Variants in CTNNA2 observed in about 807,000 individuals in gnomAD.
CTNNA2 encodes catenin alpha 2, also known as catenin alpha-2.
CTNNA2 carries 42 observed loss-of-function variants against 101.0 expected under a neutral mutation model. The ratio of observed to expected loss-of-function variants is 0.42; its 90% CI spans 0.32 to 0.54. The LOEUF is 0.54. CTNNA2 is among the 20% of genes least tolerant of loss of function. The probability of loss-of-function intolerance (pLI) is 0.14; values close to 1 mark genes in which losing one functional copy is unlikely to be tolerated. For synonymous variants in CTNNA2, 450 were observed against 456.4 expected (o/e 0.99, Z 0.18); for missense variants, 871 against 1,223.1 (o/e 0.71, Z 4.29).
chr2:80,214,490 A>G (rs1241135639), intron 7 of CTNNA2, among the ~76,000 whole-genome samples: 1 of 152,178 alleles, frequency 6.6e-6, no homozygotes, highest in African/African-American at 2.4e-5. Context: ...TTGGCTGGAT[A>G]TGAAATTCTG....
At chr2:80,410,543 A>C (rs974824321) in intron 8 of CTNNA2, among the ~76,000 whole-genome samples, 2 of 152,204 alleles carry the variant, frequency 1.3e-5, no homozygotes, top group Non-Finnish European at 2.9e-5. Context: ...TGATTTTGTC[A>C]AGTCATTCCT....
chr2:79,326,091 CT>C (rs2104413848), intron 3 of CTNNA2, among the ~76,000 whole-genome samples: 1 of 152,230 alleles, frequency 6.6e-6, no homozygotes, highest in African/African-American at 2.4e-5. Flanking sequence ...TTTATTTGTT[CT>C]TTCATTAGTT....
At chr2:79,509,002 TATATATATATAA>T (rs201829973), upstream of CTNNA2, among the ~76,000 whole-genome samples, 265 of 76,906 alleles carry the variant, frequency 3.4e-3, 23 homozygotes, top group Middle Eastern at 7.2e-3. Context: ...TATATATATA[TATATATATATAA>T]ACAATTACCT....
chr2:79,560,196 C>G (rs1381998086), intron 1 of CTNNA2, among the ~76,000 whole-genome samples: 1 of 151,278 alleles, frequency 6.6e-6, no homozygotes, highest in Non-Finnish European at 1.5e-5. Context: ...AGTATCAAAA[C>G]TTGGGAAAAT....
intron 9 of CTNNA2, among the ~76,000 whole-genome samples, chr2:80,443,293 T>C (rs1682754182): frequency 6.6e-6 from 1 of 152,206 alleles, no homozygotes; most frequent in African/African-American, 2.4e-5. Context: ...CAAGGTGTGA[T>C]TTTCAACCCA....
At chr2:79,533,529 A>G (rs1672872814) in intron 1 of CTNNA2, among the ~76,000 whole-genome samples, 1 of 152,140 alleles carries the variant, frequency 6.6e-6, no homozygotes, top group Non-Finnish European at 1.5e-5. Context: ...CATGGGTTGT[A>G]TTTTATCAAC....
chr2:80,232,425 T>C (rs1475019093), intron 7 of CTNNA2, among the ~76,000 whole-genome samples: 1 of 145,598 alleles, frequency 6.9e-6, no homozygotes, highest in Non-Finnish European at 1.5e-5. Context: ...TTAGAAATTG[T>C]AACCTCTTTC....
chr2:79,191,265 A>G (rs1306770203), intron 1 of CTNNA2, among the ~76,000 whole-genome samples: 1 of 152,188 alleles, frequency 6.6e-6, no homozygotes, highest in Non-Finnish European at 1.5e-5. Flanking sequence ...AAGCATTCCA[A>G]TGATGTCAGC....
Position 80,569,352 on chromosome 2 carries a change from T to C in CTNNA2, c.1742-4811T>C, listed in dbSNP as rs530063311. Among the ~76,000 whole-genome samples the C allele has an allele frequency of 3.1e-4, 47 of 152,316 alleles. 2 individuals carry two copies. In the South Asian group the frequency reaches 9.5e-3, roughly 31 times the overall value. On this transcript the variant is annotated intron_variant, in intron 12 of 18. Coordinates refer to ENST00000402739, the MANE Select transcript of CTNNA2 (RefSeq NM_001282597.3). The stretch of plus-strand genomic sequence containing the variant: ...GAAATATAGCTAGAATTCAAAAGTT[T>C]ATCTCTGAATTTGATCACCCTTTCA...
intron 3 of CTNNA2, among the ~76,000 whole-genome samples, chr2:79,754,193 C>A (rs1672247144): frequency 6.6e-6 from 1 of 152,058 alleles, no homozygotes; most frequent in South Asian, 2.1e-4. Context: ...ATTCAATCGA[C>A]ATTTATTAAG....
intron 8 of CTNNA2, among the ~76,000 whole-genome samples, chr2:80,409,315 A>AT (rs1344747852): frequency 6.6e-6 from 1 of 152,140 alleles, no homozygotes; most frequent in East Asian, 1.9e-4. Context: ...AAAAAGTGCA[A>AT]TATGATGTGA....
chr2:80,415,719 A>G (rs1433805167), intron 8 of CTNNA2, among the ~76,000 whole-genome samples: 3 of 152,294 alleles, frequency 2.0e-5, no homozygotes, highest in South Asian at 2.1e-4. Flanking sequence ...TCTCAGAGAT[A>G]TCTGCACCCC....
chr2:79,814,602 T>C (rs998847223), intron 3 of CTNNA2, among the ~76,000 whole-genome samples: 8 of 131,560 alleles, frequency 6.1e-5, no homozygotes, highest in Non-Finnish European at 1.1e-4. Context: ...ATTATATATG[T>C]GTGTATACAC....
intron 7 of CTNNA2, among the ~76,000 whole-genome samples, chr2:80,384,976 C>A (rs1018060884): frequency 1.3e-5 from 2 of 151,874 alleles, no homozygotes; most frequent in East Asian, 1.9e-4. Context: ...ACCAGGTAAC[C>A]CATGGATAGA....
In CTNNA2 at chr2:80,062,757, G is replaced by C. The variant is rs183792843; in HGVS notation, c.1056+152960G>C. 5.0e-3 allele frequency among the ~76,000 whole-genome samples: 719 copies of C among 145,170 alleles called. 5 individuals are homozygous for C. The highest frequency in any genetic ancestry group is 0.018 in the African/African-American group (688 of 39,084). On this transcript the variant is annotated intron_variant, in intron 7 of 18. Transcript: ENST00000402739. Reference sequence around the variant, plus strand: ...GTCTCACTCTGTCGCCCAGGCTGGAGTGCAGTGGCACTATCTCAGCTCACT... The same window carrying C: ...GTCTCACTCTGTCGCCCAGGCTGGACTGCAGTGGCACTATCTCAGCTCACT...
chr2:80,033,408 C>A (rs1695432748), intron 7 of CTNNA2, among the ~76,000 whole-genome samples: 1 of 151,070 alleles, frequency 6.6e-6, no homozygotes, highest in Non-Finnish European at 1.5e-5. Flanking sequence ...TCTGTCTCCA[C>A]AAAAAAAATT....
At chr2:79,740,418 G>T (rs910446278) in intron 2 of CTNNA2, among the ~76,000 whole-genome samples, 5 of 152,008 alleles carry the variant, frequency 3.3e-5, no homozygotes, top group Non-Finnish European at 7.4e-5. Context: ...CTCCTATTTG[G>T]TTAGTTATAA....
chr2:80,513,179 A>G (rs1282732139), intron 9 of CTNNA2, among the ~76,000 whole-genome samples: 1 of 152,202 alleles, frequency 6.6e-6, no homozygotes, highest in African/African-American at 2.4e-5. Context: ...GGTCCTACAC[A>G]TTAATTCATA....
intron 3 of CTNNA2, among the ~76,000 whole-genome samples, chr2:79,854,502 G>A (rs1285810963): frequency 6.6e-6 from 1 of 152,186 alleles, no homozygotes; most frequent in Non-Finnish European, 1.5e-5. Context: ...AATAGTTGGG[G>A]TGGAGTCGAG....
Sources: allele counts gnomAD v4.1 joint callset (sites outside exome capture counted in the v4.1 genomes callset), GRCh38; gene constraint gnomAD v4.1.1; transcripts MANE v1.5; gene names NCBI Gene and HGNC (gene_info 2026-07-23, HGNC 2026-07-21).